The following PCDHGA8 variants were observed in gnomAD, a reference collection of about 807,000 sequenced individuals.
The protein encoded by PCDHGA8 is protocadherin gamma subfamily A, 8.
In PCDHGA8, 45 loss-of-function variants were observed where a neutral mutation model predicts 59.2. The ratio of observed to expected loss-of-function variants is 0.76; its 90% CI spans 0.60 to 0.98. The LOEUF (loss-of-function observed/expected upper bound fraction) is 0.98, where lower values mean the gene tolerates loss of function less well. Ranked by LOEUF, PCDHGA8 falls within the 50% of genes least tolerant of loss-of-function variation. PCDHGA8 has a pLI of 0.00. For missense variants in PCDHGA8, 1,257 were observed against 1,196.2 expected, an observed-to-expected ratio of 1.05 and a Z score of -0.75; for synonymous variants, 531 against 519.0, an observed-to-expected ratio of 1.02 and a Z score of -0.32.
At chr5:141,418,393 C>A in intron 1 of PCDHGA8, 1 of 1,613,984 alleles carries the variant, frequency 6.2e-7, no homozygotes, top group Non-Finnish European at 8.5e-7. Context: ...ACGAGTATTT[C>A]TCATTGGTGG....
At chr5:141,427,304 C>G in intron 1 of PCDHGA8, 1 of 456,910 alleles carries the variant, frequency 2.2e-6, no homozygotes. Flanking sequence ...ATGAGAATGA[C>G]AATGCCCCAG....
chr5:141,494,076 G>A (rs538740530), intron 1 of PCDHGA8, among the ~76,000 whole-genome samples: 24 of 152,234 alleles, frequency 1.6e-4, no homozygotes, highest in African/African-American at 4.3e-4. Flanking sequence ...ATCCCTCCCC[G>A]CTGCATCCCT....
chr5:141,424,383 T>C (rs2096817494), intron 1 of PCDHGA8: 2 of 152,238 alleles, frequency 1.3e-5, no homozygotes, highest in Non-Finnish European at 2.9e-5. Context: ...AAGCTCTAGA[T>C]GTCTTTTCCA....
intron 1 of PCDHGA8, among the ~76,000 whole-genome samples, chr5:141,470,814 A>T (rs1170059292): frequency 2.6e-5 from 4 of 152,006 alleles, no homozygotes; most frequent in Admixed American, 6.5e-5. Context: ...CAGCCTTCTG[A>T]GTAGTTAGGA....
rs2099664737 is a variant in PCDHGA8, at chr5:141,487,754, G to GTAGAC, written c.2425-7052_2425-7048dup. 1 of 1,552,036 alleles carries GTAGAC rather than the reference G, an allele frequency of 6.4e-7. No homozygotes were observed. The highest frequency in any genetic ancestry group is 1.4e-5 in the African/African-American group (1 of 73,242). ...CATTTTTGTAAGAGGTAACTATGTG[G>GTAGAC]TAGACGCTGTGCTTTGTAACTGTTT... On this transcript the variant is annotated intron_variant, in intron 1 of 3. Transcript: ENST00000398604. This position sits in a 1 kb window ranked among gnomAD's most constrained non-coding sequence, Gnocchi z 5.0.
In PCDHGA8 at chr5:141,490,378, G is replaced by A; in HGVS notation, c.2425-4429G>A. On this transcript the variant is annotated intron_variant, in intron 1 of 3. Transcript: ENST00000398604. The surrounding 1 kb of genome is among the most constrained non-coding windows in gnomAD (Gnocchi z 5.4). The stretch of plus-strand genomic sequence containing the variant: ...GTTTAATGTGCGAGACCGGGACTCA[G>A]GTAGAAATGGTGAAGTGAGCCTTGA... 1 of 1,614,214 alleles carries A rather than the reference G, an allele frequency of 6.2e-7. No homozygotes were observed. The highest frequency in any genetic ancestry group is 1.1e-5 in the South Asian group (1 of 91,086).
At chr5:141,472,256 T>C (rs2099275290) in intron 1 of PCDHGA8, among the ~76,000 whole-genome samples, 1 of 152,176 alleles carries the variant, frequency 6.6e-6, no homozygotes, top group South Asian at 2.1e-4. Flanking sequence ...TAAAGTTATA[T>C]TATAGCCGGG....
intron 1 of PCDHGA8, among the ~76,000 whole-genome samples, chr5:141,406,837 CA>C (rs1174898109): frequency 6.6e-6 from 1 of 152,170 alleles, no homozygotes; most frequent in Non-Finnish European, 1.5e-5. Flanking sequence ...ACTTGCATAT[CA>C]GATATAATTT....
intron 1 of PCDHGA8, chr5:141,415,300 C>T (rs763286826): frequency 3.1e-6 from 5 of 1,614,222 alleles, no homozygotes; most frequent in East Asian, 4.5e-5. Context: ...CTGCGTCTTC[C>T]TGGCCTTCGT....
rs978109236 is a variant in PCDHGA8, at chr5:141,418,889, A to G, written c.2424+23652A>G. 1.9e-6 allele frequency: 3 copies of G among 1,614,020 alleles called. No homozygotes were observed. The African/African-American group carries it at 4.0e-5, about 21-fold the overall frequency. On this transcript the variant is annotated intron_variant, in intron 1 of 3. Coordinates refer to ENST00000398604, the MANE Select transcript of PCDHGA8 (RefSeq NM_032088.2). Reference sequence around the variant, plus strand: ...AGAAGTTGTAGACGAAAACGACAACAGCCCAGAAATAATCATCACGTCACT... The same window carrying G: ...AGAAGTTGTAGACGAAAACGACAACGGCCCAGAAATAATCATCACGTCACT...
chr5:141,478,302 C>T lies in PCDHGA8; in HGVS notation c.2425-16505C>T. On this transcript the variant is annotated intron_variant, in intron 1 of 3. Transcript: ENST00000398604. ...AAGCAGTCTAGAGACCTATACCGAG[C>T]CCCGGTGAGCTCACTGTACCGAACA... 4 of 1,614,070 alleles carry T rather than the reference C, an allele frequency of 2.5e-6. No individual in the cohort carries two copies. Among genetic ancestry groups the T allele is most frequent in the Non-Finnish European group, 3.4e-6 (4 of 1,180,038 alleles).
chr5:141,423,758 G>C lies in PCDHGA8; in HGVS notation c.2424+28521G>C, dbSNP rs1192987646. 54 of 366,760 alleles carry C rather than the reference G, an allele frequency of 1.5e-4. 3 individuals carry two copies. The highest frequency in any genetic ancestry group is 1.4e-4 in the Non-Finnish European group (36 of 259,732). 22.7% of individuals were successfully genotyped at this position (366,760 alleles called of 1,614,324 possible). A position where few individuals can be genotyped will look rare whatever the true frequency, so the allele number is the denominator to read the frequency against. Reference sequence around the variant, plus strand: ...CTGTTATGAAAACTGTTTGGGGGGGGGGTGGGGCGGCATATATTTAGTTCA... The same window carrying C: ...CTGTTATGAAAACTGTTTGGGGGGGCGGTGGGGCGGCATATATTTAGTTCA... On this transcript the variant is annotated intron_variant, in intron 1 of 3. Transcript: ENST00000398604.
At chr5:141,497,101 G>A (rs1465038195) in intron 2 of PCDHGA8, among the ~76,000 whole-genome samples, 1 of 152,042 alleles carries the variant, frequency 6.6e-6, no homozygotes, top group African/African-American at 2.4e-5. Flanking sequence ...AGGCAGAACT[G>A]CTTGAACCCG....
At chr5:141,430,878 A>G in intron 1 of PCDHGA8, 1 of 1,600,748 alleles carries the variant, frequency 6.2e-7, no homozygotes, top group Admixed American at 1.8e-5. Context: ...GAAGAGCTGG[A>G]GAAAGGCTCT....
At chr5:141,461,501 T>G (rs113852528) in intron 1 of PCDHGA8, among the ~76,000 whole-genome samples, 1 of 152,310 alleles carries the variant, frequency 6.6e-6, no homozygotes, top group South Asian at 2.1e-4. Flanking sequence ...TTATTTTTCT[T>G]GGTGATTTGT....
chr5:141,414,052 T>C, intron 1 of PCDHGA8: 1 of 1,610,346 alleles, frequency 6.2e-7, no homozygotes, highest in Non-Finnish European at 8.5e-7. Flanking sequence ...TGACACGCAA[T>C]TGTTGAAGTT....
chr5:141,424,519 A>T (rs1216899186), intron 1 of PCDHGA8: 1 of 152,222 alleles, frequency 6.6e-6, no homozygotes, highest in African/African-American at 2.4e-5. Context: ...TTAATGTAGT[A>T]AATCCATATA....
intron 1 of PCDHGA8, chr5:141,414,747 C>T (rs556012378): frequency 6.2e-7 from 1 of 1,614,214 alleles, no homozygotes; most frequent in African/African-American, 1.3e-5. Flanking sequence ...TCAGATCCTT[C>T]GACTATGAGC....
In PCDHGA8 at chr5:141,395,077, A is replaced by C. The variant is rs2093162583; in HGVS notation, c.2264A>C (p.Gln755Pro). The change falls in exon 1 of 4, where the codon CAG (glutamine) becomes CCG (proline). Residue 755 changes from glutamine to proline, a missense_variant. By Grantham distance (76) the Gln-to-Pro change is moderately conservative. Transcript: ENST00000398604. ...CAGGCTTTCCTGCAGACCTATTCCC[A>C]GGAAGTCTCCCTCACCGCCGACTCG... Reference protein sequence around the residue: ...EVQAFLQTYSQEVSLTADSRK... With the variant: ...EVQAFLQTYSPEVSLTADSRK... 1 of 1,614,024 alleles carries C rather than the reference A, an allele frequency of 6.2e-7. No homozygotes were observed. Among genetic ancestry groups the C allele is most frequent in the South Asian group, 1.1e-5 (1 of 91,090 alleles).
Sources: gnomAD v4.1 joint callset for allele counts (sites outside exome capture counted in the v4.1 genomes callset) on GRCh38, gnomAD v4.1.1 for gene constraint, Gnocchi (gnomAD v3.1) non-coding constraint, MANE v1.5 for transcripts, NCBI Gene and HGNC (gene_info 2026-07-23, HGNC 2026-07-21) for gene names.